The following SMARCC1 variants were observed in gnomAD, a reference collection of about 807,000 sequenced individuals.
The protein encoded by SMARCC1 is SWI/SNF complex subunit SMARCC1.
In SMARCC1, 43 loss-of-function variants were observed where a neutral mutation model predicts 147.4. The observed-to-expected ratio is 0.29, with a 90% CI of 0.23 to 0.38. SMARCC1 has a LOEUF of 0.38. SMARCC1 is among the 10% of genes least tolerant of loss of function. The pLI is 1.00. For synonymous variants in SMARCC1, 495 were observed against 484.4 expected (o/e 1.02, Z -0.29); for missense variants, 1,119 against 1,381.1 (o/e 0.81, Z 3.01).
At chr3:47,738,753 G>A (rs890461033) in intron 3 of SMARCC1, among the ~76,000 whole-genome samples, 1 of 152,012 alleles carries the variant, frequency 6.6e-6, no homozygotes, top group Non-Finnish European at 1.5e-5. Context: ...AAGCATCTTG[G>A]GTATTTAATT....
At chr3:47,609,269 G>A (rs1390727424) in intron 26 of SMARCC1, among the ~76,000 whole-genome samples, 1 of 152,170 alleles carries the variant, frequency 6.6e-6, no homozygotes, top group Non-Finnish European at 1.5e-5. Flanking sequence ...GGCTGAGGTG[G>A]GCGGATCACG....
At chr3:47,737,927 T>C in intron 4 of SMARCC1, 102 bp downstream of exon 4, 2 of 659,050 alleles carry the variant, frequency 3.0e-6, no homozygotes, top group East Asian at 3.6e-5. Flanking sequence ...CCTCCCAAAG[T>C]GCTGGGATTA....
intron 3 of SMARCC1, 115 bp downstream of exon 3, chr3:47,745,793 C>T: frequency 1.8e-6 from 1 of 554,930 alleles, no homozygotes. Flanking sequence ...TAAATTAGGG[C>T]TCTTGGTAAA....
intron 2 of SMARCC1, among the ~76,000 whole-genome samples, chr3:47,767,849 C>T (rs993217370): frequency 3.3e-5 from 5 of 150,268 alleles, no homozygotes; most frequent in African/African-American, 7.3e-5. Flanking sequence ...GCCTGGACAA[C>T]GACAACAACA....
At chr3:47,590,959 A>ATTATTGCTCTGTT in intron 26 of SMARCC1, 122 bp from the exon 27 acceptor site, 3 of 855,970 alleles carry the variant, frequency 3.5e-6, no homozygotes, top group Non-Finnish European at 5.4e-6. Flanking sequence ...ATATCAACAG[A>ATTATTGCTCTGTT]GCAATAATCT....
At chr3:47,697,275 C>A (rs547373335) in intron 11 of SMARCC1, among the ~76,000 whole-genome samples, 1 of 151,302 alleles carries the variant, frequency 6.6e-6, no homozygotes, top group South Asian at 2.1e-4. Context: ...TGCACTCCAG[C>A]CTGGGCGAAA....
chr3:47,663,218 GGAAGGAAGGA>G (rs2033374732), intron 19 of SMARCC1, among the ~76,000 whole-genome samples: 1 of 62,514 alleles, frequency 1.6e-5, no homozygotes, highest in African/African-American at 5.4e-5. Flanking sequence ...AGGGGAGGAA[GGAAGGAAGGA>G]AGGAAGGAAG....
chr3:47,661,540 ACAGTATTATTGTCT>A, intron 20 of SMARCC1, 85 bp from the exon 21 acceptor site: 2 of 1,088,972 alleles, frequency 1.8e-6, no homozygotes, highest in Non-Finnish European at 1.3e-6. Context: ...GAAACCCAAC[ACAGTATTATTGTCT>A]TAGGTGTAGC....
intron 9 of SMARCC1, among the ~76,000 whole-genome samples, chr3:47,708,706 T>C (rs888083288): frequency 6.6e-6 from 1 of 152,182 alleles, no homozygotes; most frequent in Non-Finnish European, 1.5e-5. Context: ...AAAAAAAATT[T>C]TGAATAGTCC....
At chr3:47,630,547 G>A (rs750951250) in intron 24 of SMARCC1, among the ~76,000 whole-genome samples, 7 of 152,154 alleles carry the variant, frequency 4.6e-5, no homozygotes, top group South Asian at 2.1e-4. Flanking sequence ...GAATTCCAAC[G>A]AGTAGAACAG....
chr3:47,740,427 C>T (rs934879031), intron 3 of SMARCC1, among the ~76,000 whole-genome samples: 3 of 151,684 alleles, frequency 2.0e-5, no homozygotes, highest in African/African-American at 7.3e-5. Flanking sequence ...AAACTCCTGA[C>T]CTCGAGATCC....
rs927722088 is a variant in SMARCC1, at chr3:47,595,032, G to A, written c.3044-4195C>T. On this transcript the variant is annotated intron_variant, in intron 26 of 27. Coordinates refer to ENST00000254480, the MANE Select transcript of SMARCC1 (RefSeq NM_003074.4). Reference sequence around the variant, plus strand: ...GCACCGTTTGCAACATTTTGGGATTGGTTTTTTTTCACTCCAGGTAATTTC... The same window carrying A: ...GCACCGTTTGCAACATTTTGGGATTAGTTTTTTTTCACTCCAGGTAATTTC... 2.0e-5 allele frequency among the ~76,000 whole-genome samples: 3 copies of A among 152,090 alleles called. No homozygotes were observed. The South Asian group carries it at 6.2e-4, about 32-fold the overall frequency.
At chr3:47,685,448 G>C (rs1450679756) in intron 14 of SMARCC1, among the ~76,000 whole-genome samples, 1 of 151,556 alleles carries the variant, frequency 6.6e-6, no homozygotes, top group Non-Finnish European at 1.5e-5. Context: ...TCAAGTATTT[G>C]CTTGTTTGAA....
At position 47,673,396 on chromosome 3, in the gene SMARCC1, GGGT is replaced by G. The variant is rs1269852066; in HGVS notation, c.1839+2076_1839+2078del. On this transcript the variant is annotated intron_variant, in intron 18 of 27. Transcript: ENST00000254480. The stretch of plus-strand genomic sequence containing the variant: ...GCGAGACTCTGTCTCAAAAAAAAAA[GGGT>G]GGGGGGGGGGCAGGCCAGTGGCTCA... 2.1e-3 allele frequency among the ~76,000 whole-genome samples: 62 copies of G among 29,414 alleles called. 9 individuals are homozygous for G. The highest frequency in any genetic ancestry group is 4.5e-3 in the African/African-American group (60 of 13,372). The allele number at this position is 29,414 out of a possible 152,430, so 19.3% of individuals were successfully genotyped here. A position where few individuals can be genotyped will look rare whatever the true frequency, so the allele number is the denominator to read the frequency against.
intron 21 of SMARCC1, among the ~76,000 whole-genome samples, chr3:47,653,976 G>A (rs1355116927): frequency 1.3e-5 from 2 of 152,142 alleles, no homozygotes; most frequent in Non-Finnish European, 2.9e-5. Context: ...TGAATCAGGA[G>A]AATCCAGCCC....
intron 5 of SMARCC1, among the ~76,000 whole-genome samples, chr3:47,729,797 G>GT (rs1350236394): frequency 6.6e-6 from 1 of 152,058 alleles, no homozygotes; most frequent in Non-Finnish European, 1.5e-5. Flanking sequence ...ATGTGCAAGC[G>GT]TAACACAGAT....
intron 19 of SMARCC1, among the ~76,000 whole-genome samples, chr3:47,667,968 G>GGA (rs2033444403): frequency 6.6e-6 from 1 of 152,066 alleles, no homozygotes; most frequent in African/African-American, 2.4e-5. Flanking sequence ...CTAGAGACCA[G>GGA]GAGTTCAAGA....
chr3:47,588,586 C>G (rs1489916733), intron 27 of SMARCC1, among the ~76,000 whole-genome samples: 1 of 152,034 alleles, frequency 6.6e-6, no homozygotes, highest in African/African-American at 2.4e-5. Flanking sequence ...AAGAATCGCT[C>G]CAGGCCCTTT....
intron 21 of SMARCC1, among the ~76,000 whole-genome samples, chr3:47,657,182 C>A (rs942300140): frequency 1.3e-5 from 2 of 152,042 alleles, no homozygotes; most frequent in Non-Finnish European, 2.9e-5. Context: ...TTTCAATACC[C>A]CACTTTCAAT....
Sources: allele counts gnomAD v4.1 joint callset (sites outside exome capture counted in the v4.1 genomes callset), GRCh38; gene constraint gnomAD v4.1.1; transcripts MANE v1.5; gene names NCBI Gene and HGNC (gene_info 2026-07-23, HGNC 2026-07-21).